TUSC3: variants seen among roughly 807,000 people sequenced by gnomAD.
TUSC3 encodes tumor suppressor candidate 3.
A neutral mutation model predicts 44.8 loss-of-function variants in TUSC3; 45 were observed. That is an observed-to-expected ratio of 1.00 (90% CI 0.79 to 1.29). The LOEUF (loss-of-function observed/expected upper bound fraction) is 1.29, where lower values mean the gene tolerates loss of function less well. Among genes scored for constraint, TUSC3 ranks in the 50% most tolerant of loss-of-function variants. The pLI, the probability that TUSC3 is intolerant of heterozygous loss-of-function variation, is 0.00. For missense variants in TUSC3, 519 were observed against 437.9 expected (o/e 1.19, Z -1.65); for synonymous variants, 212 against 152.9 (o/e 1.39, Z -2.85).
At chr8:15,837,395 C>T in the TUSC3 span, among the ~76,000 whole-genome samples, 5 of 152,072 alleles carry the variant, frequency 3.3e-5, no homozygotes, top group African/African-American at 9.6e-5. Context: ...GTCATTGTTT[C>T]TTTTTGTCAG....
At chr8:15,533,700 C>A (rs2129130958) in intron 2 of TUSC3, among the ~76,000 whole-genome samples, 1 of 152,324 alleles carries the variant, frequency 6.6e-6, no homozygotes, top group Non-Finnish European at 1.5e-5. Context: ...TGGCCAGCTT[C>A]AGTCAGGAGC....
the TUSC3 span, among the ~76,000 whole-genome samples, chr8:15,824,010 T>A: frequency 2.0e-5 from 3 of 152,156 alleles, no homozygotes; most frequent in Non-Finnish European, 4.4e-5. Flanking sequence ...TTAAAAAGGT[T>A]TTGGTTCTCA....
intron 1 of TUSC3, among the ~76,000 whole-genome samples, chr8:15,425,563 G>C (rs1323465517): frequency 6.6e-6 from 1 of 152,242 alleles, no homozygotes. Flanking sequence ...TTCTGGCACT[G>C]TGGGAAAGCT....
intron 1 of TUSC3, among the ~76,000 whole-genome samples, chr8:15,431,985 G>A (rs1310640778): frequency 1.3e-5 from 2 of 151,414 alleles, no homozygotes; most frequent in Non-Finnish European, 2.9e-5. Context: ...TAATTGTGGC[G>A]TGTGATTCTT....
At chr8:15,619,496 T>C (rs4831758) in intron 1 of TUSC3, among the ~76,000 whole-genome samples, 81,154 of 128,752 alleles carry the variant, frequency 0.63, 23,372 homozygotes, top group Non-Finnish European at 0.72. Flanking sequence ...ATTCCATATA[T>C]TTTTTTTTTT....
intron 7 of TUSC3, among the ~76,000 whole-genome samples, chr8:15,733,154 CTT>C (rs959702467): frequency 2.6e-5 from 4 of 152,064 alleles, no homozygotes; most frequent in Non-Finnish European, 4.4e-5. Flanking sequence ...AAAAGGAAGT[CTT>C]TGTGTATATG....
intron 1 of TUSC3, among the ~76,000 whole-genome samples, chr8:15,469,496 C>T (rs572352239): frequency 6.6e-5 from 10 of 152,298 alleles, no homozygotes; most frequent in East Asian, 1.9e-4. Context: ...AAATCACTAA[C>T]ACTAAATGCT....
At chr8:15,841,157 G>A in the TUSC3 span, among the ~76,000 whole-genome samples, 1 of 151,700 alleles carries the variant, frequency 6.6e-6, no homozygotes, top group African/African-American at 2.4e-5. Context: ...GTTGCAAACA[G>A]CTATATGTTT....
intron 2 of TUSC3, among the ~76,000 whole-genome samples, chr8:15,632,338 C>T (rs959542043): frequency 1.3e-5 from 2 of 152,028 alleles, no homozygotes; most frequent in Non-Finnish European, 2.9e-5. Context: ...ATTGTTTCTT[C>T]CTGATTATAT....
At chr8:15,775,145 A>G in the TUSC3 span, among the ~76,000 whole-genome samples, 2 of 152,148 alleles carry the variant, frequency 1.3e-5, no homozygotes, top group Non-Finnish European at 2.9e-5. Flanking sequence ...AAAAGTTATG[A>G]AGTACTGTTA....
At chr8:15,815,037 A>G in the TUSC3 span, among the ~76,000 whole-genome samples, 1 of 152,206 alleles carries the variant, frequency 6.6e-6, no homozygotes. Flanking sequence ...TTTAAAGGAT[A>G]TAAGTAACGA....
intron 3 of TUSC3, among the ~76,000 whole-genome samples, chr8:15,654,230 A>G (rs1163750259): frequency 1.3e-5 from 2 of 152,140 alleles, no homozygotes; most frequent in Non-Finnish European, 2.9e-5. Context: ...ATAATTTTGT[A>G]TTTACATGGT....
Position 15,740,355 on chromosome 8 carries a change from A to C in TUSC3, c.863-3183A>C, listed in dbSNP as rs142578067. 6.7e-3 allele frequency among the ~76,000 whole-genome samples: 1,018 copies of C among 152,300 alleles called. 11 individuals are homozygous for C. Among genetic ancestry groups the C allele is most frequent in the African/African-American group, 0.023 (964 of 41,562 alleles). Reference sequence around the variant, plus strand: ...AAACTCATAAAGGAAAAGATGCATAAATTTGGCCACATTAAAATTAAAGTT... The same window carrying C: ...AAACTCATAAAGGAAAAGATGCATACATTTGGCCACATTAAAATTAAAGTT... On this transcript the variant is annotated intron_variant, in intron 7 of 10. Transcript: ENST00000503731.
intron 1 of TUSC3, among the ~76,000 whole-genome samples, chr8:15,433,048 T>C (rs1270884381): frequency 6.6e-6 from 1 of 152,210 alleles, no homozygotes; most frequent in African/African-American, 2.4e-5. Flanking sequence ...AGGGAGTTGA[T>C]AGGGGAATCC....
chr8:15,442,327 A>AT (rs11312531), intron 1 of TUSC3, among the ~76,000 whole-genome samples: 33 of 151,864 alleles, frequency 2.2e-4, no homozygotes, highest in African/African-American at 6.3e-4. Flanking sequence ...TTGAGGAAGT[A>AT]TTTTTTTTAA....
chr8:15,623,175 G>C lies in TUSC3; in HGVS notation c.234G>C (p.Lys78Asn). ...GTGATAAATTCCGAAAATTTATAAA[G>C]GCACCACCTCGAAACTATTCCATGA... ...MNGDKFRKFI[K>N]APPRNYSMIV... is the part of the protein sequence containing the mutation. The change falls in exon 2 of 11, where the codon AAG becomes AAC. Residue 78 changes from lysine to asparagine, a missense_variant. By Grantham distance (94) the Lys-to-Asn change is moderately conservative. Coordinates refer to ENST00000503731, the MANE Select transcript of TUSC3 (RefSeq NM_006765.4). 1 of 1,613,668 alleles carries C rather than the reference G, an allele frequency of 6.2e-7. No individual in the cohort carries two copies. The highest frequency in any genetic ancestry group is 8.5e-7 in the Non-Finnish European group (1 of 1,179,812).
intron 2 of TUSC3, among the ~76,000 whole-genome samples, chr8:15,524,269 T>C (rs1388541883): frequency 6.6e-6 from 1 of 152,110 alleles, no homozygotes; most frequent in Non-Finnish European, 1.5e-5. Context: ...CCTATTTATA[T>C]AATATATTTC....
chr8:15,491,863 C>T (rs547388402), intron 2 of TUSC3, among the ~76,000 whole-genome samples: 2 of 152,300 alleles, frequency 1.3e-5, no homozygotes, highest in South Asian at 4.1e-4. Flanking sequence ...ATGTTAGACT[C>T]TCTCCTAAGT....
At position 15,757,778 on chromosome 8, in the gene TUSC3, G is replaced by A; in HGVS notation, c.1029-13G>A. ...TTCCATATTGTTGTATTTCATTGTG[G>A]TGTATTGGAAAGTGATCTGGACTTT... is the stretch of plus-strand genomic sequence containing the variant. On this transcript the variant is annotated splice_polypyrimidine_tract_variant and intron_variant, in intron 9 of 10. Coordinates refer to ENST00000503731, the MANE Select transcript of TUSC3 (RefSeq NM_006765.4). 2 of 1,482,376 alleles carry A rather than the reference G, an allele frequency of 1.3e-6. No homozygotes were observed. The highest frequency in any genetic ancestry group is 1.9e-6 in the Non-Finnish European group (2 of 1,060,208). The allele number at this position is 1,482,376 out of a possible 1,614,324, so 91.8% of individuals were successfully genotyped here.
Sources: gnomAD v4.1 joint callset for allele counts (sites outside exome capture counted in the v4.1 genomes callset) on GRCh38, gnomAD v4.1.1 for gene constraint, MANE v1.5 for transcripts, NCBI Gene and HGNC (gene_info 2026-07-23, HGNC 2026-07-21) for gene names.